Variants in GFOD1 observed in about 807,000 individuals in gnomAD.
The protein encoded by GFOD1 is Gfo/Idh/MocA-like oxidoreductase domain containing 1.
GFOD1 carries 9 observed loss-of-function variants against 25.4 expected under a neutral mutation model. The observed-to-expected ratio is 0.35, with a 90% CI of 0.21 to 0.62. The LOEUF is 0.62. Ranked by LOEUF, GFOD1 falls within the 20% of genes least tolerant of loss-of-function variation. The pLI, the probability that GFOD1 is intolerant of heterozygous loss-of-function variation, is 0.72. For missense variants in GFOD1, 403 were observed against 556.9 expected (o/e 0.72, Z 2.78); for synonymous variants, 253 against 245.6 (o/e 1.03, Z -0.28).
intron 1 of GFOD1, among the ~76,000 whole-genome samples, chr6:13,392,565 G>C (rs1165110180): frequency 6.6e-6 from 1 of 152,072 alleles, no homozygotes; most frequent in Non-Finnish European, 1.5e-5. Flanking sequence ...GGAGAAATGA[G>C]AGAGGAGGAG....
chr6:13,380,474 CT>C (rs955044615), intron 1 of GFOD1, among the ~76,000 whole-genome samples: 2 of 152,196 alleles, frequency 1.3e-5, no homozygotes, highest in Non-Finnish European at 2.9e-5. Context: ...GCCCCCAGAT[CT>C]GCCCACGTGA....
At chr6:13,410,599 A>AGAGAGAGAGAGG in intron 1 of GFOD1, among the ~76,000 whole-genome samples, 1 of 68,130 alleles carries the variant, frequency 1.5e-5, no homozygotes, top group African/African-American at 3.2e-5. Flanking sequence ...AGAGAGAGAG[A>AGAGAGAGAGAGG]GAGAGAGAGA....
chr6:13,475,211 T>C (rs982440053), intron 1 of GFOD1, among the ~76,000 whole-genome samples: 11 of 152,164 alleles, frequency 7.2e-5, no homozygotes, highest in Admixed American at 5.9e-4. Flanking sequence ...CATTAATTAT[T>C]ATTAACAAAA....
At chr6:13,383,314 T>C (rs148872658) in intron 1 of GFOD1, among the ~76,000 whole-genome samples, 229 of 152,358 alleles carry the variant, frequency 1.5e-3, no homozygotes, top group African/African-American at 5.2e-3. Flanking sequence ...AGAGGTCCCA[T>C]GGTGAACTCA....
chr6:13,440,301 G>A lies in GFOD1; in HGVS notation c.253+46337C>T, dbSNP rs576220156. 1.8e-3 allele frequency among the ~76,000 whole-genome samples: 281 copies of A among 152,116 alleles called. 1 individual carries two copies. Among genetic ancestry groups the A allele is most frequent in the African/African-American group, 6.5e-3 (270 of 41,496 alleles). On this transcript the variant is annotated intron_variant, in intron 1 of 1. Transcript: ENST00000379287. ...GCCGCCAGGTTCAAGCAATTCTTCTGCCTCAGCCTCCCAAGCAGCTGGGAT... is the reference window on the plus strand; with the variant it reads ...GCCGCCAGGTTCAAGCAATTCTTCTACCTCAGCCTCCCAAGCAGCTGGGAT...
intron 1 of GFOD1, among the ~76,000 whole-genome samples, chr6:13,399,028 G>A (rs777026728): frequency 9.9e-5 from 15 of 152,138 alleles, no homozygotes; most frequent in Non-Finnish European, 1.8e-4. Flanking sequence ...GTTTTGTTTT[G>A]TTCTGAGACA....
intron 1 of GFOD1, among the ~76,000 whole-genome samples, chr6:13,385,809 A>T (rs1785462139): frequency 6.6e-6 from 1 of 152,328 alleles, no homozygotes; most frequent in Non-Finnish European, 1.5e-5. Flanking sequence ...TACTCTGTGG[A>T]AGTCAAAGCA....
At chr6:13,386,646 G>A (rs1178811932) in intron 1 of GFOD1, among the ~76,000 whole-genome samples, 1 of 152,138 alleles carries the variant, frequency 6.6e-6, no homozygotes, top group African/African-American at 2.4e-5. Flanking sequence ...AATGGGTGGT[G>A]CTCACCTCAA....
chr6:13,411,703 G>T (rs1039877666), intron 1 of GFOD1, among the ~76,000 whole-genome samples: 1 of 152,190 alleles, frequency 6.6e-6, no homozygotes, highest in African/African-American at 2.4e-5. Context: ...ACTGATGAAG[G>T]CCTGCCATCC....
chr6:13,469,436 T>A, intron 1 of GFOD1: 1 of 985,594 alleles, frequency 1.0e-6, no homozygotes, highest in Non-Finnish European at 1.2e-6. Context: ...TGGAATTAGA[T>A]GATGCAAGTT....
intron 1 of GFOD1, among the ~76,000 whole-genome samples, chr6:13,412,779 CCCCCG>C (rs1786101224): frequency 6.6e-6 from 1 of 152,198 alleles, no homozygotes; most frequent in Non-Finnish European, 1.5e-5. Context: ...CTGAGCACTT[CCCCCG>C]CCCTCCTTTG....
chr6:13,367,697 C>T (rs1183844405), intron 1 of GFOD1, among the ~76,000 whole-genome samples: 4 of 148,566 alleles, frequency 2.7e-5, no homozygotes, highest in African/African-American at 1.0e-4. Flanking sequence ...TCATGGAAGC[C>T]AAGAGTCAGG....
chr6:13,420,157 G>T (rs757583134), intron 1 of GFOD1, among the ~76,000 whole-genome samples: 4 of 152,196 alleles, frequency 2.6e-5, no homozygotes, highest in Non-Finnish European at 4.4e-5. Flanking sequence ...AGGTCTGGAT[G>T]GAGAAAACAC....
At chr6:13,421,608 C>T (rs1012475226) in intron 1 of GFOD1, among the ~76,000 whole-genome samples, 4 of 152,152 alleles carry the variant, frequency 2.6e-5, no homozygotes, top group Non-Finnish European at 5.9e-5. Flanking sequence ...TTGACAACTG[C>T]GCAAAAGGCA....
At chr6:13,464,270 T>C (rs12333257) in intron 1 of GFOD1, among the ~76,000 whole-genome samples, 3,742 of 152,264 alleles carry the variant, frequency 0.025, 152 homozygotes, top group African/African-American at 0.082. Context: ...GCTCCAGACG[T>C]TCATCTGGGT....
intron 1 of GFOD1, among the ~76,000 whole-genome samples, chr6:13,441,678 T>C (rs1403028983): frequency 6.6e-6 from 1 of 152,218 alleles, no homozygotes; most frequent in Non-Finnish European, 1.5e-5. Flanking sequence ...CAATTTGACA[T>C]AGACTAATTG....
At chr6:13,386,922 C>T (rs1487073323) in intron 1 of GFOD1, among the ~76,000 whole-genome samples, 2 of 152,132 alleles carry the variant, frequency 1.3e-5, no homozygotes, top group Admixed American at 1.3e-4. Context: ...TTGGGAAATG[C>T]TGGTGAAAAA....
intron 1 of GFOD1, among the ~76,000 whole-genome samples, chr6:13,476,247 G>A (rs1275940891): frequency 6.6e-6 from 1 of 152,172 alleles, no homozygotes; most frequent in East Asian, 1.9e-4. Context: ...ACACAATGGA[G>A]TATCACCCAG....
rs1785003664 is a variant in GFOD1 at position 13,364,669 on chromosome 6, C to G, written c.*74G>C. ...GATCCCCACATTCCCCATGGTCACC[C>G]TCTCCCCTCGGCCCTTCCCTCTCTG... On this transcript the variant is annotated 3_prime_UTR_variant, in exon 2 of 2. Transcript: ENST00000379287. This position sits in a 1 kb window ranked among gnomAD's most constrained non-coding sequence, Gnocchi z 4.1. The G allele has an allele frequency of 2.1e-5, 26 of 1,266,740 alleles. No homozygotes were observed. The South Asian group carries it at 3.5e-4, about 17-fold the overall frequency. 78.5% of individuals were successfully genotyped at this position (1,266,740 alleles called of 1,614,324 possible).
Sources: gnomAD v4.1 joint callset for allele counts (sites outside exome capture counted in the v4.1 genomes callset) on GRCh38, gnomAD v4.1.1 for gene constraint, Gnocchi (gnomAD v3.1) non-coding constraint, MANE v1.5 for transcripts, NCBI Gene and HGNC (gene_info 2026-07-23, HGNC 2026-07-21) for gene names.